RPS6KC1: variants seen among roughly 807,000 people sequenced by gnomAD.
RPS6KC1 encodes the protein ribosomal protein S6 kinase C1.
A neutral mutation model predicts 103.8 loss-of-function variants in RPS6KC1; 54 were observed. The ratio of observed to expected loss-of-function variants is 0.52; its 90% confidence interval spans 0.42 to 0.65. RPS6KC1 has a LOEUF of 0.65. Ranked by LOEUF, RPS6KC1 falls within the 30% of genes least tolerant of loss-of-function variation. The pLI is 0.00. For missense variants in RPS6KC1, 1,151 were observed against 1,253.8 expected (o/e 0.92, Z 1.24); for synonymous variants, 439 against 438.7 (o/e 1.00, Z -0.01).
the RPS6KC1 span, among the ~76,000 whole-genome samples, chr1:213,705,338 G>T: frequency 6.6e-6 from 1 of 152,196 alleles, no homozygotes; most frequent in African/African-American, 2.4e-5. Context: ...ACCACAAGAC[G>T]TAGTACTTTC....
the RPS6KC1 span, among the ~76,000 whole-genome samples, chr1:213,662,707 C>T: frequency 6.6e-6 from 1 of 152,174 alleles, no homozygotes; most frequent in East Asian, 1.9e-4. Flanking sequence ...ATCTCATCAG[C>T]CTCCTGCTCC....
At chr1:213,803,844 T>G in the RPS6KC1 span, among the ~76,000 whole-genome samples, 1 of 151,926 alleles carries the variant, frequency 6.6e-6, no homozygotes, top group Admixed American at 6.6e-5. Context: ...AGAATTTCTC[T>G]GAGACTTTCA....
intron 4 of RPS6KC1, among the ~76,000 whole-genome samples, chr1:213,114,534 T>C (rs1275353021): frequency 1.3e-5 from 2 of 151,928 alleles, no homozygotes; most frequent in Non-Finnish European, 2.9e-5. Context: ...TTTTCCTCAT[T>C]GAATACCCTT....
At chr1:213,804,695 A>G in the RPS6KC1 span, among the ~76,000 whole-genome samples, 3 of 152,238 alleles carry the variant, frequency 2.0e-5, no homozygotes, top group Non-Finnish European at 4.4e-5. Flanking sequence ...ATCTTTAAGG[A>G]TAAGATCTTA....
the RPS6KC1 span, among the ~76,000 whole-genome samples, chr1:213,770,387 G>A: frequency 2.0e-5 from 3 of 152,158 alleles, no homozygotes; most frequent in East Asian, 1.9e-4. Flanking sequence ...TATGGGTCAC[G>A]ATTTACCCAA....
the RPS6KC1 span, among the ~76,000 whole-genome samples, chr1:213,566,437 G>GTTTTTTTTTTTTTTTTTT: frequency 8.2e-5 from 4 of 48,520 alleles, no homozygotes; most frequent in Non-Finnish European, 1.5e-4. Context: ...TCAGCCTTTA[G>GTTTTTTTTTTTTTTTTTT]TTTTTTTTTT....
Position 213,176,407 on chromosome 1 carries a change from G to A in RPS6KC1, c.959G>A (p.Gly320Glu), listed in dbSNP as rs539665935. 6.3e-7 allele frequency: 1 copy of A among 1,598,686 alleles called. No homozygotes were observed. The highest frequency in any genetic ancestry group is 1.3e-5 in the African/African-American group (1 of 74,876). The change falls in exon 8 of 15, where the codon GGA becomes GAA. Residue 320 changes from glycine to glutamate, a missense_variant. Physicochemically the swap from Gly to Glu is moderately conservative, Grantham distance 98 (BLOSUM62 -2). Transcript: ENST00000366960. ...TTTGATATCTTCCATTAGCCTCCAG[G>A]ATCACTAAGTTCAAGGCCCCTTTGG... Reference protein sequence around the residue: ...PQLDDVSQPPGSLSSRPLWNL... With the variant: ...PQLDDVSQPPESLSSRPLWNL...
intron 14 of RPS6KC1, among the ~76,000 whole-genome samples, chr1:213,267,564 T>G (rs2094941035): frequency 6.6e-6 from 1 of 151,874 alleles, no homozygotes; most frequent in African/African-American, 2.4e-5. Context: ...TCAGTAGAAA[T>G]TGTCTCTGAG....
the RPS6KC1 span, among the ~76,000 whole-genome samples, chr1:213,656,337 G>C: frequency 6.6e-6 from 1 of 152,294 alleles, no homozygotes; most frequent in East Asian, 1.9e-4. Context: ...ATTACAAAAC[G>C]TGACAGCACT....
chr1:213,109,087 A>G (rs766205179), intron 4 of RPS6KC1, among the ~76,000 whole-genome samples: 5 of 152,134 alleles, frequency 3.3e-5, no homozygotes, highest in Non-Finnish European at 7.3e-5. Context: ...CATTTTAACA[A>G]TATTATCTTG....
intron 3 of RPS6KC1, among the ~76,000 whole-genome samples, chr1:213,087,341 C>T (rs962054977): frequency 6.6e-6 from 1 of 152,070 alleles, no homozygotes; most frequent in African/African-American, 2.4e-5. Context: ...TAGCTAATAC[C>T]AGCTATATTT....
the RPS6KC1 span, among the ~76,000 whole-genome samples, chr1:213,676,127 GTGT>G: frequency 6.6e-6 from 1 of 152,082 alleles, no homozygotes; most frequent in African/African-American, 2.4e-5. Context: ...ACCTTTACAC[GTGT>G]TGTTCTCTCT....
the RPS6KC1 span, among the ~76,000 whole-genome samples, chr1:213,385,975 A>G: frequency 6.6e-6 from 1 of 152,162 alleles, no homozygotes; most frequent in South Asian, 2.1e-4. Flanking sequence ...TCAGTGCTGT[A>G]GTTTGAATGT....
chr1:213,652,500 C>A, the RPS6KC1 span, among the ~76,000 whole-genome samples: 6,669 of 152,254 alleles, frequency 0.044, 255 homozygotes, highest in East Asian at 0.16. Flanking sequence ...TATAAATACA[C>A]CTTAGAGGTG....
the RPS6KC1 span, among the ~76,000 whole-genome samples, chr1:213,467,852 T>C: frequency 2.0e-5 from 3 of 152,256 alleles, no homozygotes; most frequent in Admixed American, 2.0e-4. Flanking sequence ...TTAGTGTTCA[T>C]TTCCCCACAG....
the RPS6KC1 span, among the ~76,000 whole-genome samples, chr1:213,639,703 A>ACATATTTAT: frequency 6.6e-6 from 1 of 152,078 alleles, no homozygotes; most frequent in Non-Finnish European, 1.5e-5. Flanking sequence ...AATTATAATG[A>ACATATTTAT]CATATTTATG....
At chr1:213,217,199 G>T (rs1334280048) in intron 8 of RPS6KC1, among the ~76,000 whole-genome samples, 1 of 151,566 alleles carries the variant, frequency 6.6e-6, no homozygotes, top group East Asian at 1.9e-4. Flanking sequence ...TATCACTACC[G>T]ATCCCACAGA....
chr1:213,515,872 T>C, the RPS6KC1 span, among the ~76,000 whole-genome samples: 1 of 152,190 alleles, frequency 6.6e-6, no homozygotes, highest in South Asian at 2.1e-4. Context: ...GCATGGAATG[T>C]TCTTCCATTT....
chr1:213,516,586 G>C, the RPS6KC1 span, among the ~76,000 whole-genome samples: 1 of 152,286 alleles, frequency 6.6e-6, no homozygotes, highest in South Asian at 2.1e-4. Context: ...AAGCCTACTT[G>C]ATCATGGTGG....
Sources: allele counts gnomAD v4.1 joint callset (sites outside exome capture counted in the v4.1 genomes callset), GRCh38; gene constraint gnomAD v4.1.1; transcripts MANE v1.5; gene names NCBI Gene and HGNC (gene_info 2026-07-23, HGNC 2026-07-21).